Variants in MAPK10 observed in about 807,000 individuals in gnomAD.
The protein encoded by MAPK10 is mitogen-activated protein kinase 10.
In MAPK10, 25 loss-of-function variants were observed where a neutral mutation model predicts 59.3. That is an observed-to-expected ratio of 0.42 (90% CI 0.31 to 0.59). MAPK10 has a LOEUF of 0.59. Among genes scored for constraint, MAPK10 ranks in the 20% least tolerant of loss-of-function variants. MAPK10 has a pLI of 0.15. For synonymous variants in MAPK10, 190 were observed against 200.5 expected, an observed-to-expected ratio of 0.95 and a Z score of 0.44; for missense variants, 351 against 568.9, an observed-to-expected ratio of 0.62 and a Z score of 3.90.
At chr4:86,129,132 C>T (rs2060572439) in intron 4 of MAPK10, among the ~76,000 whole-genome samples, 1 of 152,012 alleles carries the variant, frequency 6.6e-6, no homozygotes, top group Non-Finnish European at 1.5e-5. Flanking sequence ...ACTTTCTGGA[C>T]AGATGTTAGC....
At chr4:86,427,775 T>C (rs769472938) in intron 1 of MAPK10, among the ~76,000 whole-genome samples, 1 of 152,226 alleles carries the variant, frequency 6.6e-6, no homozygotes. Flanking sequence ...TTCTGTTCTT[T>C]AGTGAGTGAC....
chr4:86,169,059 T>C (rs1581762382), intron 3 of MAPK10, among the ~76,000 whole-genome samples: 1 of 151,990 alleles, frequency 6.6e-6, no homozygotes, highest in Non-Finnish European at 1.5e-5. Flanking sequence ...CAAAAACCCA[T>C]CTGTACATCA....
chr4:86,056,703 C>T (rs2044611351), intron 11 of MAPK10, among the ~76,000 whole-genome samples: 1 of 150,008 alleles, frequency 6.7e-6, no homozygotes, highest in African/African-American at 2.5e-5. Context: ...CCATCATCCT[C>T]AGTCATGTGA....
At chr4:86,495,968 A>AT (rs951330308) in intron 1 of MAPK10, among the ~76,000 whole-genome samples, 7 of 152,158 alleles carry the variant, frequency 4.6e-5, no homozygotes, top group Non-Finnish European at 7.3e-5. Flanking sequence ...TTATTAACAC[A>AT]TTTTTTCTAT....
intron 1 of MAPK10, among the ~76,000 whole-genome samples, chr4:86,537,667 G>T (rs1758351484): frequency 6.6e-6 from 1 of 152,058 alleles, no homozygotes; most frequent in Non-Finnish European, 1.5e-5. Context: ...TATTCTGTCA[G>T]GTTGTTTGTG....
intron 3 of MAPK10, among the ~76,000 whole-genome samples, chr4:86,174,444 A>T (rs912385291): frequency 2.6e-5 from 4 of 152,122 alleles, no homozygotes; most frequent in Non-Finnish European, 5.9e-5. Flanking sequence ...AGGGAGGGGA[A>T]CAACACACAC....
chr4:86,145,391 A>C (rs1439138205), intron 4 of MAPK10, among the ~76,000 whole-genome samples: 1 of 150,968 alleles, frequency 6.6e-6, no homozygotes, highest in Non-Finnish European at 1.5e-5. Context: ...AAAAATTTCT[A>C]TCTCTATTTG....
intron 1 of MAPK10, among the ~76,000 whole-genome samples, chr4:86,583,245 G>A (rs546328868): frequency 6.6e-6 from 1 of 151,976 alleles, no homozygotes; most frequent in South Asian, 2.1e-4. Flanking sequence ...GGATGGTCTC[G>A]ATTGCCTGGC....
intron 5 of MAPK10, among the ~76,000 whole-genome samples, chr4:86,106,430 T>C (rs115416033): frequency 1.3e-5 from 2 of 148,816 alleles, no homozygotes; most frequent in African/African-American, 4.9e-5. Flanking sequence ...TAATAATTTA[T>C]AATTTATTAT....
intron 1 of MAPK10, among the ~76,000 whole-genome samples, chr4:86,511,650 AAGGAGG>A (rs939572344): frequency 4.0e-5 from 6 of 150,162 alleles, no homozygotes; most frequent in African/African-American, 9.8e-5. Flanking sequence ...AAGAATACAG[AAGGAGG>A]AGGAGGAGGA....
intron 2 of MAPK10, chr4:86,325,937 GA>G (rs1375298422): frequency 6.6e-6 from 1 of 152,144 alleles, no homozygotes; most frequent in African/African-American, 2.4e-5. Context: ...CCAGCAAGAA[GA>G]AAACAGCCTT....
At chr4:86,565,787 T>G (rs1201169269) in intron 1 of MAPK10, among the ~76,000 whole-genome samples, 1 of 152,190 alleles carries the variant, frequency 6.6e-6, no homozygotes, top group African/African-American at 2.4e-5. Context: ...TGCAGTAAAC[T>G]ATCAAACTCC....
At chr4:86,142,926 G>T (rs778841534) in intron 4 of MAPK10, among the ~76,000 whole-genome samples, 4 of 152,178 alleles carry the variant, frequency 2.6e-5, no homozygotes, top group Non-Finnish European at 5.9e-5. Context: ...GGTGAGGGCA[G>T]AAGAGAAATA....
intron 2 of MAPK10, among the ~76,000 whole-genome samples, chr4:86,274,255 A>T (rs2094510450): frequency 6.6e-6 from 1 of 152,036 alleles, no homozygotes; most frequent in Non-Finnish European, 1.5e-5. Flanking sequence ...TTTTGATACA[A>T]CATTATTCTA....
At chr4:86,317,904 TA>T (rs1222133746) in intron 2 of MAPK10, among the ~76,000 whole-genome samples, 1 of 152,222 alleles carries the variant, frequency 6.6e-6, no homozygotes, top group African/African-American at 2.4e-5. Context: ...CTGAAGGCTC[TA>T]GAGGAGCCTC....
intron 4 of MAPK10, among the ~76,000 whole-genome samples, chr4:86,119,030 T>G (rs2058758930): frequency 6.6e-6 from 1 of 152,340 alleles, no homozygotes; most frequent in African/African-American, 2.4e-5. Context: ...TTTTTTAGTT[T>G]TTCTATCAAA....
At chr4:86,509,849 T>C (rs1277318328) in intron 1 of MAPK10, among the ~76,000 whole-genome samples, 2 of 152,216 alleles carry the variant, frequency 1.3e-5, no homozygotes, top group Non-Finnish European at 1.5e-5. Context: ...TTTGTATTAC[T>C]ATGCTTTACT....
rs1295823948 is a variant in MAPK10, at chr4:86,588,595, A to G, written c.-263+5315T>C. On this transcript the variant is annotated intron_variant, in intron 1 of 4. Coordinates refer to the MAPK10 transcript ENST00000502302. The stretch of plus-strand genomic sequence containing the variant: ...TTTGATTTTATAACTATCAACAATA[A>G]GGCAATGAATATCCTTGATCACATA... Among the ~76,000 whole-genome samples the G allele has an allele frequency of 2.0e-5, 3 of 152,198 alleles. No homozygotes were observed. In the South Asian group the frequency reaches 6.2e-4, roughly 32 times the overall value.
chr4:86,556,202 ACCTGTTCTGTAT>A (rs1196496246), intron 1 of MAPK10, among the ~76,000 whole-genome samples: 1 of 152,148 alleles, frequency 6.6e-6, no homozygotes, highest in Non-Finnish European at 1.5e-5. Flanking sequence ...ATTTAATGGA[ACCTGTTCTGTAT>A]CCATAGGTTG....
Sources: gnomAD v4.1 joint callset for allele counts (sites outside exome capture counted in the v4.1 genomes callset) on GRCh38, gnomAD v4.1.1 for gene constraint, MANE v1.5 for transcripts, NCBI Gene and HGNC (gene_info 2026-07-23, HGNC 2026-07-21) for gene names.